Variants in VRK2 observed in about 807,000 individuals in gnomAD.
VRK2 encodes serine/threonine-protein kinase VRK2.
In VRK2, 60 loss-of-function variants were observed where a neutral mutation model predicts 57.6. That is an observed-to-expected ratio of 1.04 (90% CI 0.85 to 1.29). VRK2 has a LOEUF of 1.29. Ranked by LOEUF, VRK2 falls within the 50% of genes most tolerant of loss-of-function variation. The pLI, the probability that VRK2 is intolerant of heterozygous loss-of-function variation, is 0.00. For synonymous variants in VRK2, 231 were observed against 199.2 expected (o/e 1.16, Z -1.35); for missense variants, 705 against 588.1 (o/e 1.20, Z -2.06).
chr2:57,999,976 T>A (rs1673042883), intron 1 of VRK2, among the ~76,000 whole-genome samples: 6 of 152,066 alleles, frequency 3.9e-5, no homozygotes, highest in Admixed American at 3.3e-4. Flanking sequence ...AGACTCCATC[T>A]CTACAAAAAT....
chr2:58,078,451 T>A (rs1024735868), intron 2 of VRK2, among the ~76,000 whole-genome samples: 4 of 152,164 alleles, frequency 2.6e-5, no homozygotes, highest in Non-Finnish European at 5.9e-5. Context: ...GTAATGCTGC[T>A]ATGAGCATGG....
intron 2 of VRK2, among the ~76,000 whole-genome samples, chr2:58,051,090 C>G (rs1017065169): frequency 6.6e-6 from 1 of 152,204 alleles, no homozygotes; most frequent in African/African-American, 2.4e-5. Context: ...GGTGATCTGC[C>G]CACCTCGGCC....
chr2:57,944,609 G>A (rs1196916473), intron 1 of VRK2, among the ~76,000 whole-genome samples: 2 of 152,068 alleles, frequency 1.3e-5, no homozygotes, highest in Non-Finnish European at 2.9e-5. Flanking sequence ...GGTGGCGGGC[G>A]CCTGTAATCC....
intron 1 of VRK2, among the ~76,000 whole-genome samples, chr2:57,995,265 C>T (rs1042539070): frequency 6.6e-6 from 1 of 152,142 alleles, no homozygotes; most frequent in African/African-American, 2.4e-5. Context: ...AAAATAATGG[C>T]TCACTGAGTT....
intron 2 of VRK2, among the ~76,000 whole-genome samples, chr2:58,082,469 A>G (rs1671025746): frequency 6.6e-6 from 1 of 151,866 alleles, no homozygotes. Context: ...TAAAGTAGGT[A>G]CTGTTTTATG....
intron 1 of VRK2, among the ~76,000 whole-genome samples, chr2:57,960,886 C>G (rs1671736783): frequency 6.6e-6 from 1 of 152,222 alleles, no homozygotes; most frequent in Non-Finnish European, 1.5e-5. Context: ...CCTCCATTAT[C>G]ACCAGTCTCT....
intron 2 of VRK2, among the ~76,000 whole-genome samples, chr2:58,077,750 C>T (rs759372828): frequency 9.9e-5 from 15 of 152,038 alleles, no homozygotes; most frequent in African/African-American, 1.4e-4. Context: ...AATGTGCGTA[C>T]TGCCACAATT....
intron 1 of VRK2, among the ~76,000 whole-genome samples, chr2:57,988,482 G>A (rs536421664): frequency 6.6e-6 from 1 of 152,304 alleles, no homozygotes; most frequent in South Asian, 2.1e-4. Flanking sequence ...TTCTGGAAGA[G>A]ATTAGCATTT....
chr2:58,034,845 A>C (rs1674226051), intron 3 of VRK2, among the ~76,000 whole-genome samples: 1 of 151,910 alleles, frequency 6.6e-6, no homozygotes, highest in South Asian at 2.1e-4. Context: ...TCTGTACACT[A>C]GGTACTATTC....
chr2:58,080,920 G>C (rs982434460), intron 2 of VRK2, among the ~76,000 whole-genome samples: 2 of 151,824 alleles, frequency 1.3e-5, no homozygotes, highest in African/African-American at 4.8e-5. Flanking sequence ...AAAAAATTCA[G>C]AATTGTTACT....
At chr2:57,992,698 G>A (rs1303885088) in intron 1 of VRK2, among the ~76,000 whole-genome samples, 4 of 151,902 alleles carry the variant, frequency 2.6e-5, no homozygotes, top group Non-Finnish European at 4.4e-5. Flanking sequence ...CACCGCGCCC[G>A]GCTAATTTTT....
At chr2:58,090,400 C>CAAA (rs888066524) in intron 7 of VRK2, among the ~76,000 whole-genome samples, 7 of 49,284 alleles carry the variant, frequency 1.4e-4, no homozygotes, top group African/African-American at 3.9e-4. Context: ...AACTCCATCT[C>CAAA]AAAAAAAAAA....
intron 1 of VRK2, among the ~76,000 whole-genome samples, chr2:57,959,252 G>C (rs1422726800): frequency 6.6e-6 from 1 of 152,130 alleles, no homozygotes; most frequent in African/African-American, 2.4e-5. Context: ...AAAGAGAGAA[G>C]ACTGTAAATC....
intron 7 of VRK2, among the ~76,000 whole-genome samples, chr2:58,119,301 C>T (rs533316367): frequency 1.7e-4 from 26 of 149,632 alleles, no homozygotes; most frequent in Non-Finnish European, 2.7e-4. Context: ...AGTTCGAGAC[C>T]AGCCTGGCTA....
At chr2:58,087,611 C>A (rs1266888452) in intron 5 of VRK2, among the ~76,000 whole-genome samples, 1 of 151,958 alleles carries the variant, frequency 6.6e-6, no homozygotes, top group African/African-American at 2.4e-5. Context: ...CCAAACAGAA[C>A]AGAAAAGGAA....
At chr2:57,987,838 A>G (rs1211471494) in intron 1 of VRK2, among the ~76,000 whole-genome samples, 1 of 152,204 alleles carries the variant, frequency 6.6e-6, no homozygotes, top group Non-Finnish European at 1.5e-5. Context: ...AACTCCTGAT[A>G]CATGTAATGA....
intron 1 of VRK2, among the ~76,000 whole-genome samples, chr2:57,913,418 T>A (rs6705924): frequency 0.026 from 3,884 of 152,278 alleles, 172 homozygotes; most frequent in African/African-American, 0.089. Flanking sequence ...CATCAAAAGA[T>A]TATTAGCAAT....
At chr2:57,911,332 T>C (rs1283302875) in intron 1 of VRK2, among the ~76,000 whole-genome samples, 7 of 152,150 alleles carry the variant, frequency 4.6e-5, no homozygotes, top group African/African-American at 1.4e-4. Context: ...TTAAGTTCCA[T>C]GGTTAAATAC....
intron 1 of VRK2, among the ~76,000 whole-genome samples, chr2:58,048,262 A>G (rs1483383619): frequency 1.3e-5 from 2 of 152,152 alleles, no homozygotes; most frequent in African/African-American, 4.8e-5. Context: ...CAGCCCGAGA[A>G]CTGATGGCCT....
Sources: allele counts gnomAD v4.1 joint callset (sites outside exome capture counted in the v4.1 genomes callset), GRCh38; gene constraint gnomAD v4.1.1; transcripts MANE v1.5; gene names NCBI Gene and HGNC (gene_info 2026-07-23, HGNC 2026-07-21).